The following UBXN11 variants were observed in gnomAD, a reference collection of about 807,000 sequenced individuals.
The protein encoded by UBXN11 is UBX domain protein 11.
A neutral mutation model predicts 62.8 loss-of-function variants in UBXN11; 47 were observed. The observed-to-expected ratio is 0.75, with a 90% CI of 0.59 to 0.95. The LOEUF is 0.95. Among genes scored for constraint, UBXN11 ranks in the 40% least tolerant of loss-of-function variants. The probability of loss-of-function intolerance (pLI) is 0.00; values close to 1 mark genes in which losing one functional copy is unlikely to be tolerated. For missense variants in UBXN11, 638 were observed against 661.7 expected (o/e 0.96, Z 0.39); for synonymous variants, 294 against 267.0 (o/e 1.10, Z -0.99).
At position 26,313,707 on chromosome 1, in the gene UBXN11, A is replaced by C. The variant is rs1472870824; in HGVS notation, c.-149+4340T>G. ...GCCCAATCTGATGTTAAACCTATCCACTGAGTTCCTAATTTTTATTACCAT... is the reference window on the plus strand; with the variant it reads ...GCCCAATCTGATGTTAAACCTATCCCCTGAGTTCCTAATTTTTATTACCAT... On this transcript the variant is annotated intron_variant, in intron 1 of 14. Transcript: ENST00000374217. 2.0e-5 allele frequency among the ~76,000 whole-genome samples: 3 copies of C among 151,342 alleles called. No homozygotes were observed. In the South Asian group the frequency reaches 6.3e-4, roughly 32 times the overall value.
chr1:26,300,836 G>C, intron 4 of UBXN11, 90 bp downstream of exon 4: 1 of 1,593,026 alleles, frequency 6.3e-7, no homozygotes. Flanking sequence ...AAACAGGCGA[G>C]AGGAAGGGCC....
At chr1:26,308,389 C>G (rs866371436), upstream of UBXN11, among the ~76,000 whole-genome samples, 1 of 152,092 alleles carries the variant, frequency 6.6e-6, no homozygotes, top group African/African-American at 2.4e-5. Context: ...AAACCCAGAA[C>G]GGTCAGCCTC....
chr1:26,295,675 AC>A (rs11286864), intron 7 of UBXN11, among the ~76,000 whole-genome samples: 80,107 of 151,752 alleles, frequency 0.53, 22,484 homozygotes, highest in Non-Finnish European at 0.65. Context: ...GCCCAATGTC[AC>A]CCCCGCAGGT....
At chr1:26,316,684 A>G (rs2073798110) in intron 1 of UBXN11, among the ~76,000 whole-genome samples, 2 of 152,144 alleles carry the variant, frequency 1.3e-5, no homozygotes, top group African/African-American at 4.8e-5. Flanking sequence ...GATAAACATA[A>G]CACCTGCTGC....
At chr1:26,303,577 G>A (rs1191794213) in intron 1 of UBXN11, among the ~76,000 whole-genome samples, 1 of 136,150 alleles carries the variant, frequency 7.3e-6, no homozygotes, top group Non-Finnish European at 1.5e-5. Context: ...AATGAGATGA[G>A]ACTGCACCAT....
intron 8 of UBXN11, among the ~76,000 whole-genome samples, chr1:26,287,313 C>T (rs957149264): frequency 2.7e-4 from 41 of 152,024 alleles, no homozygotes; most frequent in Non-Finnish European, 3.1e-4. Context: ...TTCTGAAACA[C>T]GTGTGGCGCA....
At chr1:26,318,148 G>A in exon 1 of UBXN11, 1 of 1,228,482 alleles carries the variant, frequency 8.1e-7, no homozygotes, top group South Asian at 1.2e-5. Flanking sequence ...CAGGATGTGA[G>A]CTCCCAGAGA....
intron 1 of UBXN11, among the ~76,000 whole-genome samples, chr1:26,313,567 T>C (rs2073763498): frequency 6.6e-6 from 1 of 152,228 alleles, no homozygotes; most frequent in Admixed American, 6.5e-5. Flanking sequence ...CACTGTTGTA[T>C]TCCCAGTGCC....
intron 6 of UBXN11, 110 bp from the exon 7 acceptor site, chr1:26,297,105 G>A: frequency 6.3e-6 from 8 of 1,275,314 alleles, no homozygotes; most frequent in Non-Finnish European, 8.8e-6. Context: ...CCCAAGAACT[G>A]CCTCTTGGCC....
At chr1:26,298,879 T>C (rs1284528024) in intron 4 of UBXN11, among the ~76,000 whole-genome samples, 1 of 151,696 alleles carries the variant, frequency 6.6e-6, no homozygotes, top group Admixed American at 6.6e-5. Flanking sequence ...CAGTGTCCTT[T>C]CTATGTATGA....
chr1:26,303,018 G>T, intron 1 of UBXN11, 100 bp from the exon 2 acceptor site: 1 of 746,326 alleles, frequency 1.3e-6, no homozygotes, highest in Non-Finnish European at 2.2e-6. Flanking sequence ...CTTCCTAATG[G>T]GAAGCGCTGT....
At chr1:26,302,994 C>T in intron 1 of UBXN11, 76 bp from the exon 2 acceptor site, 1 of 967,522 alleles carries the variant, frequency 1.0e-6, no homozygotes, top group Non-Finnish European at 1.6e-6. Flanking sequence ...GAAGTTTCCA[C>T]TTCCCTGGCT....
At chr1:26,316,666 C>G (rs1049462117) in intron 1 of UBXN11, among the ~76,000 whole-genome samples, 33 of 152,172 alleles carry the variant, frequency 2.2e-4, no homozygotes, top group South Asian at 8.3e-4. Context: ...TTTCACCAGT[C>G]AAATGGGGAT....
At chr1:26,306,833 G>GGGGGGGGGGGGGGGGTT (rs1553165087), upstream of UBXN11, 1 of 32,156 alleles carries the variant, frequency 3.1e-5, no homozygotes, top group Non-Finnish European at 1.2e-4. Context: ...GCGGGGTGGG[G>GGGGGGGGGGGGGGGGTT]GGGGGGGGTG....
chr1:26,310,727 TAAAA>T (rs71004584), upstream of UBXN11, among the ~76,000 whole-genome samples: 2,018 of 122,144 alleles, frequency 0.017, 57 homozygotes, highest in African/African-American at 0.053. Flanking sequence ...GACTCTGTCT[TAAAA>T]AAAAAAAAAA....
intron 10 of UBXN11, 191 bp from the exon 11 acceptor site, chr1:26,284,673 C>T: frequency 1.5e-6 from 2 of 1,357,196 alleles, no homozygotes; most frequent in South Asian, 1.8e-5. Flanking sequence ...CCTGCTGCTC[C>T]TGTAAGCACC....
intron 4 of UBXN11, among the ~76,000 whole-genome samples, chr1:26,300,121 C>T (rs12728971): frequency 0.69 from 104,404 of 152,034 alleles, 36,392 homozygotes; most frequent in Non-Finnish European, 0.75. Flanking sequence ...CAATTCCCTC[C>T]TCCGGTAAAA....
upstream of UBXN11, among the ~76,000 whole-genome samples, chr1:26,307,783 G>A (rs1242395961): frequency 6.6e-6 from 1 of 151,916 alleles, no homozygotes; most frequent in South Asian, 2.1e-4. Flanking sequence ...GCACAACAAC[G>A]CCCAGCTAGT....
intron 10 of UBXN11, 99 bp downstream of exon 10, chr1:26,285,362 AGTG>A (rs760673284): frequency 3.7e-4 from 573 of 1,545,674 alleles, no homozygotes; most frequent in Non-Finnish European, 4.8e-4. Context: ...TCCCCCAGGG[AGTG>A]CAGCGGCTTC....
Sources: gnomAD v4.1 joint callset for allele counts (sites outside exome capture counted in the v4.1 genomes callset) on GRCh38, gnomAD v4.1.1 for gene constraint, MANE v1.5 for transcripts, NCBI Gene and HGNC (gene_info 2026-07-23, HGNC 2026-07-21) for gene names.